The following ALOX15 variants were observed in gnomAD, a reference collection of about 807,000 sequenced individuals.
ALOX15 encodes the protein polyunsaturated fatty acid lipoxygenase ALOX15.
A neutral mutation model predicts 71.7 loss-of-function variants in ALOX15; 68 were observed. The observed-to-expected ratio is 0.95, with a 90% confidence interval of 0.78 to 1.16. The LOEUF (loss-of-function observed/expected upper bound fraction) is 1.16, where lower values mean the gene tolerates loss of function less well. Among genes scored for constraint, ALOX15 ranks in the 50% most tolerant of loss-of-function variants. The pLI is 0.00. For missense variants in ALOX15, 798 were observed against 818.8 expected, an observed-to-expected ratio of 0.97 and a Z score of 0.31; for synonymous variants, 346 against 333.3, an observed-to-expected ratio of 1.04 and a Z score of -0.42.
In ALOX15 at chr17:4,631,512, G is replaced by A. The variant is rs2150534266; in HGVS notation, c.*88C>T. 2 of 1,494,284 alleles carry A rather than the reference G, an allele frequency of 1.3e-6. No individual in the cohort carries two copies. Among genetic ancestry groups the A allele is most frequent in the East Asian group, 2.3e-5 (1 of 43,398 alleles). The allele number at this position is 1,494,284 out of a possible 1,614,324, so 92.6% of individuals were successfully genotyped here. A position where few individuals can be genotyped will look rare whatever the true frequency, so the allele number is the denominator to read the frequency against. ...GGAGGGTGGGACATGGGAAGAGGGT[G>A]GGACTTGGGAGGGCAGGGCTATAAC... On this transcript the variant is annotated 3_prime_UTR_variant, in exon 14 of 14. Coordinates refer to ENST00000293761, the MANE Select transcript of ALOX15 (RefSeq NM_001140.5).
Position 4,632,260 on chromosome 17 carries a change from G to A in ALOX15, c.1562C>T (p.Ala521Val). 6.2e-7 allele frequency: 1 copy of A among 1,614,232 alleles called. No homozygotes were observed. The highest frequency in any genetic ancestry group is 8.5e-7 in the Non-Finnish European group (1 of 1,180,042). The change falls in exon 12 of 14, where the codon GCT becomes GTT. Residue 521 changes from alanine to valine, a missense_variant. This residue lies in a region of ALOX15 where 490 missense variants were observed against 509.4 expected (regional missense o/e 0.96). Coordinates refer to ENST00000293761, the MANE Select transcript of ALOX15 (RefSeq NM_001140.5). ...QDRGFPVSLQARDQVCHFVTM... is the reference protein window; with the variant it reads ...QDRGFPVSLQVRDQVCHFVTM... ...GACAAAGTGGCAAACCTGGTCCCGA[G>A]CCTGTAAAGAGACAGGAAACCCTGC...
chr17:4,632,580 A>G (rs1300873365), intron 11 of ALOX15, among the ~76,000 whole-genome samples: 1 of 152,106 alleles, frequency 6.6e-6, no homozygotes, highest in African/African-American at 2.4e-5. Context: ...TATTTATACC[A>G]TGGAAATGTG....
Position 4,635,813 on chromosome 17 carries a change from C to A in ALOX15, c.1107G>T (p.Glu369Asp). The A allele has an allele frequency of 6.2e-7, 1 of 1,614,244 alleles. No individual in the cohort carries two copies. The highest frequency in any genetic ancestry group is 8.5e-7 in the Non-Finnish European group (1 of 1,180,036). ...ACCTCATGGTGGCCACAACAATGAC[C>A]TCAGCCATCAAGTGTCCCCTCAGAA... ...SHLLRGHLMA[E>D]VIVVATMRCL... The change falls in exon 8 of 14, where the codon GAG becomes GAT. Residue 369 changes from glutamate to aspartate, a missense_variant. Around this residue, in one of 3 missense-constraint regions of ALOX15, gnomAD observed 490 missense variants for 509.4 expected, o/e 0.96. Transcript: ENST00000293761.
chr17:4,634,660 T>C (rs1241410601), intron 8 of ALOX15, among the ~76,000 whole-genome samples: 2 of 152,220 alleles, frequency 1.3e-5, no homozygotes, highest in East Asian at 3.9e-4. Flanking sequence ...TAGATATATA[T>C]CACATTATAT....
At position 4,639,354 on chromosome 17, in the gene ALOX15, CTCT is replaced by C. The variant is rs1382936041; in HGVS notation, c.337+73_337+75del. The C allele has an allele frequency of 1.9e-6, 3 of 1,571,094 alleles. No homozygotes were observed. In the African/African-American group the frequency reaches 4.1e-5, roughly 21 times the overall value. On this transcript the variant is annotated intron_variant, in intron 2 of 13. Coordinates refer to ENST00000293761, the MANE Select transcript of ALOX15 (RefSeq NM_001140.5). ...GGTTCCAGCACCCCCATCCTGCGCC[CTCT>C]TCTCCACACGCGCATCCCCCCAGCT...
In ALOX15 at chr17:4,635,859, A is replaced by G; in HGVS notation, c.1061T>C (p.Leu354Pro). The G allele has an allele frequency of 6.2e-7, 1 of 1,614,222 alleles. No individual in the cohort carries two copies. The highest frequency in any genetic ancestry group is 8.5e-7 in the Non-Finnish European group (1 of 1,180,042). The change falls in exon 8 of 14, where the codon CTC (leucine) becomes CCC (proline). Residue 354 changes from leucine to proline, a missense_variant. Leu to Pro is a moderately conservative substitution (Grantham distance 98, BLOSUM62 -3). This residue lies in a region of ALOX15 where 490 missense variants were observed against 509.4 expected (regional missense o/e 0.96). Transcript: ENST00000293761. ...KCWVRSSDFQLHELQSHLLRG... is the reference protein window; with the variant it reads ...KCWVRSSDFQPHELQSHLLRG... ...CAGAAGATGAGACTGCAGCTCATGG[A>G]GCTGGAAGTCAGAGCTGCGCACCCA...
chr17:4,641,578 C>T lies in ALOX15; in HGVS notation c.74G>A (p.Trp25Ter). 1 of 1,613,792 alleles carries T rather than the reference C, an allele frequency of 6.2e-7. No individual in the cohort carries two copies. Among genetic ancestry groups the T allele is most frequent in the Non-Finnish European group, 8.5e-7 (1 of 1,180,042 alleles). The change falls in exon 1 of 14, where the codon TGG (tryptophan) becomes TAG (stop). Residue 25 changes from tryptophan (W) to a stop codon, truncating the protein, a stop_gained. Transcript: ENST00000293761. LOFTEE classifies it high-confidence loss of function. ...YAGSNNQVQL[W>*]LVGQHGEAAL... ...CGCCTCCCCGTGCTGGCCGACCAGCCACAGCTGCACCTGGTTGTTGGAACC... is the reference window on the plus strand; with the variant it reads ...CGCCTCCCCGTGCTGGCCGACCAGCTACAGCTGCACCTGGTTGTTGGAACC...
Position 4,631,374 on chromosome 17 carries a change from G to T in ALOX15, c.*226C>A, listed in dbSNP as rs1010367571. On this transcript the variant is annotated 3_prime_UTR_variant, in exon 14 of 14. Transcript: ENST00000293761. ...GAATGAAGAAAGAGGAAGAGAGAGAGGAAGGAAGATAGGAAAGGAGGAAGG... is the reference window on the plus strand; with the variant it reads ...GAATGAAGAAAGAGGAAGAGAGAGATGAAGGAAGATAGGAAAGGAGGAAGG... The T allele has an allele frequency of 3.6e-6, 2 of 563,114 alleles. No homozygotes were observed. The highest frequency in any genetic ancestry group is 6.3e-6 in the Non-Finnish European group (2 of 319,870). 34.9% of individuals were successfully genotyped at this position (563,114 alleles called of 1,614,324 possible).
In ALOX15 at chr17:4,635,867, G is replaced by A; in HGVS notation, c.1053C>T (p.Asp351=). The A allele has an allele frequency of 6.2e-7, 1 of 1,614,264 alleles. No individual in the cohort carries two copies. Among genetic ancestry groups the A allele is most frequent in the East Asian group, 2.2e-5 (1 of 44,882 alleles). The change falls in exon 8 of 14, where the codon GAC becomes GAT. Residue 351 remains aspartate, a synonymous_variant. Coordinates refer to ENST00000293761, the MANE Select transcript of ALOX15 (RefSeq NM_001140.5). ...GAGACTGCAGCTCATGGAGCTGGAA[G>A]TCAGAGCTGCGCACCCAGCATTTGG... ...LLAKCWVRSS[D]FQLHELQSHL...
Position 4,635,785 on chromosome 17 carries a change from G to C in ALOX15, c.1135C>G (p.Leu379Val), listed in dbSNP as rs1911074501. 6.2e-7 allele frequency: 1 copy of C among 1,614,220 alleles called. No homozygotes were observed. The highest frequency in any genetic ancestry group is 8.5e-7 in the Non-Finnish European group (1 of 1,180,046). ...EVIVVATMRC[L>V]PSIHPIFKLI... ...TTGAAGATAGGATGTATCGACGGCA[G>C]GCACCTCATGGTGGCCACAACAATG... Residue 379 changes from leucine (L) to valine (V), a missense_variant, in exon 8 of 14, where the codon CTG becomes GTG. Coordinates refer to ENST00000293761, the MANE Select transcript of ALOX15 (RefSeq NM_001140.5).
intron 2 of ALOX15, 93 bp from the exon 3 acceptor site, chr17:4,639,225 T>G: frequency 6.6e-7 from 1 of 1,512,188 alleles, no homozygotes. Context: ...TCCTTCTGTG[T>G]GGCCTCTGCC....
In ALOX15 at chr17:4,631,190, C is replaced by T. The variant is rs1910882844; in HGVS notation, c.*410G>A. ...GCTGCAGTGAGCCGTGGTGATGGCA[C>T]CACTGCACTCCAGCCTGGGTGTCAA... On this transcript the variant is annotated 3_prime_UTR_variant, in exon 14 of 14. Coordinates refer to ENST00000293761, the MANE Select transcript of ALOX15 (RefSeq NM_001140.5). 1 of 166,502 alleles carries T rather than the reference C, an allele frequency of 6.0e-6. No individual in the cohort carries two copies. The highest frequency in any genetic ancestry group is 1.5e-4 in the South Asian group (1 of 6,482). 10.3% of individuals were successfully genotyped at this position (166,502 alleles called of 1,614,324 possible).
intron 10 of ALOX15, 25 bp downstream of exon 10, chr17:4,633,121 C>A: frequency 1.9e-6 from 3 of 1,611,140 alleles, no homozygotes; most frequent in Non-Finnish European, 2.5e-6. Context: ...ACTTGCACCC[C>A]CACTGGCCTT....
rs755494483 is a variant in ALOX15, at chr17:4,633,224, A to G, written c.1340T>C (p.Leu447Ser). The G allele has an allele frequency of 6.2e-7, 1 of 1,614,190 alleles. No homozygotes were observed. The highest frequency in any genetic ancestry group is 8.5e-7 in the Non-Finnish European group (1 of 1,180,026). Residue 447 changes from leucine to serine, a missense_variant, in exon 10 of 14, where the codon TTG becomes TCG. Leu to Ser is a moderately radical substitution (Grantham distance 145). Around this residue, in one of 3 missense-constraint regions of ALOX15, gnomAD observed 490 missense variants for 509.4 expected, o/e 0.96. Coordinates refer to ENST00000293761, the MANE Select transcript of ALOX15 (RefSeq NM_001140.5). Reference protein sequence around the residue: ...TYSSFCPPDDLADRGLLGVKS... With the variant: ...TYSSFCPPDDSADRGLLGVKS... ...CACTCCCAGGAGCCCCCGGTCGGCC[A>G]AGTCATCAGGGGGACAGAAGGAGCT...
At position 4,632,172 on chromosome 17, in the gene ALOX15, G is replaced by A; in HGVS notation, c.1641+9C>T. ...CCCAAATTCCCAGCTGCCCATCTCT[G>A]GTAAGTACCTGGCCCAGGTGCACAG... On this transcript the variant is annotated intron_variant, in intron 12 of 13. Coordinates refer to ENST00000293761, the MANE Select transcript of ALOX15 (RefSeq NM_001140.5). 1 of 1,614,100 alleles carries A rather than the reference G, an allele frequency of 6.2e-7. No homozygotes were observed. The highest frequency in any genetic ancestry group is 1.6e-4 in the Middle Eastern group (1 of 6,062).
In ALOX15 at chr17:4,633,812, A is replaced by C. The variant is rs189604574; in HGVS notation, c.1162-312T>G. Among the ~76,000 whole-genome samples the C allele has an allele frequency of 1.4e-4, 22 of 152,374 alleles. No individual in the cohort carries two copies. In the East Asian group the frequency reaches 3.7e-3, roughly 25 times the overall value. On this transcript the variant is annotated intron_variant, in intron 8 of 13. Coordinates refer to ENST00000293761, the MANE Select transcript of ALOX15 (RefSeq NM_001140.5). The stretch of plus-strand genomic sequence containing the variant: ...CCATCAACAATAGACCAGGTAAAGA[A>C]AATGTGGTAGACATATGCTGTGGAA...
intron 10 of ALOX15, 26 bp from the exon 11 acceptor site, chr17:4,633,008 G>A: frequency 6.2e-6 from 10 of 1,614,078 alleles, no homozygotes; most frequent in Admixed American, 1.7e-5. Context: ...GCAGGGCCAG[G>A]GAGCTGAAGC....
At chr17:4,638,058 G>A (rs1470999158) in intron 6 of ALOX15, among the ~76,000 whole-genome samples, 159 bp downstream of exon 6, 2 of 152,156 alleles carry the variant, frequency 1.3e-5, no homozygotes, top group African/African-American at 4.8e-5. Flanking sequence ...AGGAGGCCGA[G>A]CAGCTGAGCT....
chr17:4,632,231 T>G lies in ALOX15; in HGVS notation c.1591A>C (p.Met531Leu). Reference sequence around the variant, plus strand: ...TGGCCGGTGCAGGTGAAGATACACATGGTGACAAAGTGGCAAACCTGGTCC... The same window carrying G: ...TGGCCGGTGCAGGTGAAGATACACAGGGTGACAAAGTGGCAAACCTGGTCC... ...ARDQVCHFVT[M>L]CIFTCTGQHA... Residue 531 changes from methionine (M) to leucine (L), a missense_variant, in exon 12 of 14, where the codon ATG becomes CTG. Met to Leu is a conservative substitution (Grantham distance 15). Coordinates refer to ENST00000293761, the MANE Select transcript of ALOX15 (RefSeq NM_001140.5). The G allele has an allele frequency of 6.2e-7, 1 of 1,614,100 alleles. No homozygotes were observed. Among genetic ancestry groups the G allele is most frequent in the South Asian group, 1.1e-5 (1 of 91,080 alleles).
Sources: gnomAD v4.1 joint callset for allele counts (sites outside exome capture counted in the v4.1 genomes callset) on GRCh38, gnomAD v4.1.1 for gene constraint, gnomAD v4.1.1 regional missense constraint, MANE v1.5 for transcripts, NCBI Gene and HGNC (gene_info 2026-07-23, HGNC 2026-07-21) for gene names.